Variants in ELOVL5 observed in about 807,000 individuals in gnomAD.
ELOVL5 encodes the protein very long chain fatty acid elongase 5.
ELOVL5 carries 8 observed loss-of-function variants against 38.6 expected under a neutral mutation model. That is an observed-to-expected ratio of 0.21 (90% CI 0.12 to 0.37). ELOVL5 has a LOEUF of 0.37. Among genes scored for constraint, ELOVL5 ranks in the 10% least tolerant of loss-of-function variants. The pLI, the probability that ELOVL5 is intolerant of heterozygous loss-of-function variation, is 1.00. For missense variants in ELOVL5, 280 were observed against 367.8 expected (o/e 0.76, Z 1.95); for synonymous variants, 127 against 133.7 (o/e 0.95, Z 0.34).
intron 3 of ELOVL5, among the ~76,000 whole-genome samples, chr6:53,287,512 C>T (rs1051306936): frequency 6.6e-6 from 1 of 152,084 alleles, no homozygotes; most frequent in African/African-American, 2.4e-5. Context: ...GAAAGGAATG[C>T]ATCATAGTCC....
intron 1 of ELOVL5, among the ~76,000 whole-genome samples, chr6:53,303,762 T>G (rs1477088778): frequency 1.3e-5 from 2 of 152,250 alleles, no homozygotes; most frequent in African/African-American, 4.8e-5. Flanking sequence ...CTCCACTTCC[T>G]GCTCCTTGGC....
chr6:53,321,117 T>C lies in ELOVL5; in HGVS notation c.-8-25410A>G, dbSNP rs141542058. Among the ~76,000 whole-genome samples the C allele has an allele frequency of 2.6e-3, 396 of 152,368 alleles. 2 individuals are homozygous for C. The highest frequency in any genetic ancestry group is 6.9e-3 in the African/African-American group (287 of 41,582). On this transcript the variant is annotated intron_variant, in intron 1 of 7. Coordinates refer to ENST00000304434, the MANE Select transcript of ELOVL5 (RefSeq NM_021814.5). ...TGATAATCACCAGACAAGAGATCCC[T>C]GCCTTCTTCCTTACGTAAGATGTTC... is the stretch of plus-strand genomic sequence containing the variant.
chr6:53,333,463 A>C, intron 1 of ELOVL5, among the ~76,000 whole-genome samples: 1 of 152,224 alleles, frequency 6.6e-6, no homozygotes, highest in East Asian at 1.9e-4. Flanking sequence ...GACGTTAGTA[A>C]TGAGCAGGGC....
intron 1 of ELOVL5, among the ~76,000 whole-genome samples, chr6:53,339,979 T>C (rs180934432): frequency 2.6e-5 from 4 of 152,264 alleles, no homozygotes; most frequent in African/African-American, 7.2e-5. Context: ...GACGGTGACA[T>C]TGATGATCCT....
intron 2 of ELOVL5, chr6:53,294,437 C>T: frequency 1.3e-6 from 2 of 1,550,602 alleles, no homozygotes; most frequent in Non-Finnish European, 1.7e-6. Flanking sequence ...CTGCTGTAGC[C>T]ATCCTACAAC....
At chr6:53,316,890 G>A (rs868629036) in intron 1 of ELOVL5, among the ~76,000 whole-genome samples, 2 of 152,078 alleles carry the variant, frequency 1.3e-5, no homozygotes, top group South Asian at 2.1e-4. Context: ...TTATAGTCTC[G>A]TGTATGTTTC....
intron 1 of ELOVL5, among the ~76,000 whole-genome samples, chr6:53,321,972 G>C (rs938187579): frequency 2.0e-5 from 3 of 152,158 alleles, no homozygotes; most frequent in Non-Finnish European, 4.4e-5. Context: ...ACAGTAAATA[G>C]AACTGTCTGC....
At chr6:53,338,704 C>A (rs1769189801) in intron 1 of ELOVL5, among the ~76,000 whole-genome samples, 1 of 152,172 alleles carries the variant, frequency 6.6e-6, no homozygotes, top group African/African-American at 2.4e-5. Flanking sequence ...TTGCAAATAA[C>A]AGGGAGACAA....
intron 1 of ELOVL5, among the ~76,000 whole-genome samples, chr6:53,303,961 A>G (rs1767372660): frequency 6.6e-6 from 1 of 152,250 alleles, no homozygotes; most frequent in South Asian, 2.1e-4. Flanking sequence ...TACAAAGCCT[A>G]CTTCCACTCC....
intron 1 of ELOVL5, among the ~76,000 whole-genome samples, chr6:53,300,552 T>C (rs1056936658): frequency 3.3e-5 from 5 of 152,018 alleles, no homozygotes; most frequent in African/African-American, 1.2e-4. Flanking sequence ...CCTGAGAAGG[T>C]GGCAACAGAG....
chr6:53,308,368 G>A (rs965577060), intron 1 of ELOVL5, among the ~76,000 whole-genome samples: 13 of 152,228 alleles, frequency 8.5e-5, no homozygotes, highest in African/African-American at 2.9e-4. Flanking sequence ...GCTCTTCAAC[G>A]GCAGAACCTC....
At chr6:53,307,383 A>C (rs1354322633) in intron 1 of ELOVL5, among the ~76,000 whole-genome samples, 1 of 152,226 alleles carries the variant, frequency 6.6e-6, no homozygotes, top group African/African-American at 2.4e-5. Context: ...TTAGACTGTA[A>C]AATGAGGGTA....
chr6:53,325,759 G>T (rs538063231), intron 1 of ELOVL5, among the ~76,000 whole-genome samples: 3 of 152,100 alleles, frequency 2.0e-5, no homozygotes, highest in Admixed American at 6.5e-5. Flanking sequence ...GGAGTGGGCT[G>T]CCACAATCTG....
chr6:53,313,479 G>A (rs1767920955), intron 1 of ELOVL5, among the ~76,000 whole-genome samples: 1 of 152,050 alleles, frequency 6.6e-6, no homozygotes, highest in South Asian at 2.1e-4. Context: ...TCCCACCTCA[G>A]CCTCCTGAGT....
chr6:53,303,684 G>A (rs9474481), intron 1 of ELOVL5, among the ~76,000 whole-genome samples: 3,317 of 152,226 alleles, frequency 0.022, 131 homozygotes, highest in African/African-American at 0.076. Context: ...ATAATTGGAG[G>A]GGAAATTTTT....
chr6:53,273,296 G>C lies in ELOVL5; in HGVS notation c.545C>G (p.Ser182Cys), dbSNP rs1038702815. The change falls in exon 6 of 8, where the codon TCT (serine) becomes TGT (cysteine). Residue 182 changes from serine to cysteine, a missense_variant. Around this residue, in one of 3 missense-constraint regions of ELOVL5, gnomAD observed 125 missense variants for 158.9 expected, o/e 0.79. Coordinates refer to ENST00000304434, the MANE Select transcript of ELOVL5 (RefSeq NM_021814.5). ...LNSFIHVLMY[S>C]YYGLSSVPSM... Reference sequence around the variant, plus strand: ...AGGGACTGACGACAAACCATAGTAAGAGTACATGAGGACGTGGATGAAGCT... The same window carrying C: ...AGGGACTGACGACAAACCATAGTAACAGTACATGAGGACGTGGATGAAGCT... 3 of 1,613,570 alleles carry C rather than the reference G, an allele frequency of 1.9e-6. No individual in the cohort carries two copies. In the African/African-American group the frequency reaches 4.0e-5, roughly 22 times the overall value.
rs1026660770 is a variant in ELOVL5 at position 53,267,639 on chromosome 6, C to G, written c.*1488G>C. ...CCATGACTCCTTTTCAAACAGAAAA[C>G]CCACAAGACTAATAGAGAACCAATA... On this transcript the variant is annotated 3_prime_UTR_variant, in exon 8 of 8. Transcript: ENST00000304434. 5.9e-5 allele frequency: 9 copies of G among 152,514 alleles called. No homozygotes were observed. Among genetic ancestry groups the G allele is most frequent in the African/African-American group, 1.9e-4 (8 of 41,408 alleles). 9.4% of individuals were successfully genotyped at this position (152,514 alleles called of 1,614,324 possible).
rs535123695 is a variant in ELOVL5 at position 53,336,397 on chromosome 6, C to T, written c.-9+12420G>A. ...GGGCCAGGCCAGGCACAATGGCTCA[C>T]ACCTGTAATCTCAGGATTTTGGGAG... On this transcript the variant is annotated intron_variant, in intron 1 of 7. Transcript: ENST00000304434. Among the ~76,000 whole-genome samples the T allele has an allele frequency of 5.3e-5, 8 of 152,342 alleles. No homozygotes were observed. In the South Asian group the frequency reaches 1.7e-3, roughly 32 times the overall value.
intron 1 of ELOVL5, among the ~76,000 whole-genome samples, chr6:53,331,116 G>A (rs374870708): frequency 6.6e-6 from 1 of 152,132 alleles, no homozygotes; most frequent in Non-Finnish European, 1.5e-5. Flanking sequence ...GACTGCTGGA[G>A]CCCAGGAGTT....
Sources: allele counts gnomAD v4.1 joint callset (sites outside exome capture counted in the v4.1 genomes callset), GRCh38; gene constraint gnomAD v4.1.1; regional missense constraint gnomAD v4.1.1; transcripts MANE v1.5; gene names NCBI Gene and HGNC (gene_info 2026-07-23, HGNC 2026-07-21).